Variants in TXNDC11 observed in about 807,000 individuals in gnomAD.
The protein encoded by TXNDC11 is thioredoxin domain containing 11.
Under a neutral mutation model 78.0 loss-of-function variants are expected in TXNDC11, and 68 were observed. The ratio of observed to expected loss-of-function variants is 0.87; its 90% CI spans 0.72 to 1.07. TXNDC11 has a LOEUF of 1.07. TXNDC11 is among the 50% of genes least tolerant of loss of function. The pLI, the probability that TXNDC11 is intolerant of heterozygous loss-of-function variation, is 0.00. For synonymous variants in TXNDC11, 571 were observed against 495.2 expected (o/e 1.15, Z -2.03); for missense variants, 1,389 against 1,221.8 (o/e 1.14, Z -2.04).
At chr16:11,690,581 C>G (rs1334261395) in intron 8 of TXNDC11, among the ~76,000 whole-genome samples, 2 of 152,206 alleles carry the variant, frequency 1.3e-5, no homozygotes, top group South Asian at 2.1e-4. Flanking sequence ...GAGACGGAGT[C>G]TTGCTCTGTC....
chr16:11,742,441 C>T (rs1258252639), intron 1 of TXNDC11, 36 bp downstream of exon 1: 1 of 1,362,026 alleles, frequency 7.3e-7, no homozygotes, highest in Non-Finnish European at 9.4e-7. Context: ...GCAAGGGGAG[C>T]GCCCTAGCGG....
At chr16:11,726,753 A>G (rs577277401) in intron 4 of TXNDC11, among the ~76,000 whole-genome samples, 1 of 152,232 alleles carries the variant, frequency 6.6e-6, no homozygotes, top group Admixed American at 6.5e-5. Context: ...TTCCATATAC[A>G]TATAATAAAA....
intron 10 of TXNDC11, among the ~76,000 whole-genome samples, chr16:11,687,236 A>AT (rs969790517): frequency 2.0e-5 from 3 of 151,458 alleles, no homozygotes; most frequent in South Asian, 2.1e-4. Context: ...TTTTGTTTTG[A>AT]TTTTTTTATA....
intron 4 of TXNDC11, among the ~76,000 whole-genome samples, chr16:11,729,959 G>GTGGC (rs1567345725): frequency 1.3e-5 from 2 of 152,120 alleles, no homozygotes; most frequent in African/African-American, 4.8e-5. Flanking sequence ...GCTGGGCGTG[G>GTGGC]TGGCACTGCC....
chr16:11,718,893 G>C (rs1416574432), intron 5 of TXNDC11, among the ~76,000 whole-genome samples: 2 of 152,006 alleles, frequency 1.3e-5, no homozygotes, highest in African/African-American at 2.4e-5. Context: ...TGACCAAGGA[G>C]GTTCATTTTG....
Position 11,708,873 on chromosome 16 carries a change from G to A in TXNDC11, c.794-8309C>T, listed in dbSNP as rs919843619. Among the ~76,000 whole-genome samples, 184 of 152,164 alleles carry A rather than the reference G, an allele frequency of 1.2e-3. 1 individual carries two copies. The highest frequency in any genetic ancestry group is 3.5e-4 in the Non-Finnish European group (24 of 68,002). ...CTACTTTCCCACTCTTCTTTCCAAA[G>A]TCAGAAAAAGGAGAAAAATAGGATT... is the stretch of plus-strand genomic sequence containing the variant. On this transcript the variant is annotated intron_variant, in intron 5 of 11. Coordinates refer to ENST00000283033, the MANE Select transcript of TXNDC11 (RefSeq NM_015914.7).
chr16:11,692,035 C>G lies in TXNDC11; in HGVS notation c.1155G>C (p.Val385=), dbSNP rs756338695. 93 of 1,547,218 alleles carry G rather than the reference C, an allele frequency of 6.0e-5. No homozygotes were observed. Among genetic ancestry groups the G allele is most frequent in the Non-Finnish European group, 8.1e-5 (93 of 1,147,516 alleles). ...GCAGGTGCTGAAGGAGACGCTCCAC[C>G]ACCTGGTCCCCATGACAGTTGTTGT... ...LEYNNCHGDQ[V]VERLLQHLRR... Residue 385 remains valine (V), a synonymous_variant, in exon 8 of 12, where the codon GTG becomes GTC. Transcript: ENST00000283033.
chr16:11,733,899 C>A, intron 3 of TXNDC11, 83 bp downstream of exon 3: 4 of 950,462 alleles, frequency 4.2e-6, no homozygotes, highest in East Asian at 5.2e-5. Context: ...ATATCTAATA[C>A]TTTAATATAG....
At chr16:11,739,322 AG>A (rs1236225100) in intron 1 of TXNDC11, among the ~76,000 whole-genome samples, 1 of 152,192 alleles carries the variant, frequency 6.6e-6, no homozygotes, top group Non-Finnish European at 1.5e-5. Context: ...TGCAGCTATG[AG>A]GGGTATGTCT....
Position 11,742,460 on chromosome 16 carries a change from G to C in TXNDC11, c.254+17C>G. 7.1e-7 allele frequency: 1 copy of C among 1,400,962 alleles called. No homozygotes were observed. Among genetic ancestry groups the C allele is most frequent in the Middle Eastern group, 2.6e-4 (1 of 3,878 alleles). 86.8% of individuals were successfully genotyped at this position (1,400,962 alleles called of 1,614,324 possible). ...GGGGAGCGCCCTAGCGGGGCCCCAG[G>C]GTCCGGGCCGCCTCACCTGCAGGTG... On this transcript the variant is annotated intron_variant, in intron 1 of 11. Coordinates refer to ENST00000283033, the MANE Select transcript of TXNDC11 (RefSeq NM_015914.7).
chr16:11,702,092 G>GTGTATATATATATATA (rs150869552), intron 5 of TXNDC11, among the ~76,000 whole-genome samples: 2 of 144,336 alleles, frequency 1.4e-5, no homozygotes, highest in African/African-American at 5.1e-5. Flanking sequence ...GTATGTATGT[G>GTGTATATATATATATA]TATATATATA....
chr16:11,701,005 A>C (rs1346381682), intron 5 of TXNDC11, among the ~76,000 whole-genome samples: 3 of 152,172 alleles, frequency 2.0e-5, no homozygotes, highest in African/African-American at 7.2e-5. Flanking sequence ...GAGTTTACAA[A>C]GGGAAACTGG....
intron 5 of TXNDC11, among the ~76,000 whole-genome samples, chr16:11,709,495 C>T (rs112861489): frequency 0.043 from 5,705 of 133,710 alleles, 437 homozygotes; most frequent in African/African-American, 0.15. Flanking sequence ...AGTGCAGTGG[C>T]GCGATCTCGG....
intron 8 of TXNDC11, chr16:11,690,123 G>A (rs138409498): frequency 1.1e-4 from 16 of 152,278 alleles, no homozygotes; most frequent in African/African-American, 3.8e-4. Context: ...GAAATGAAAG[G>A]TTTCCTTCCC....
chr16:11,692,138 C>T (rs1320394941), intron 7 of TXNDC11, 56 bp from the exon 8 acceptor site: 42 of 1,368,352 alleles, frequency 3.1e-5, no homozygotes, highest in Non-Finnish European at 4.0e-5. Flanking sequence ...GGACTAGCAC[C>T]CCGTTAGCCA....
At chr16:11,688,273 G>A (rs1417412748) in intron 9 of TXNDC11, 30 bp downstream of exon 9, 2 of 1,605,068 alleles carry the variant, frequency 1.2e-6, no homozygotes, top group Admixed American at 1.7e-5. Flanking sequence ...GGGACAGATG[G>A]CTTAACTTTT....
At position 11,736,120 on chromosome 16, in the gene TXNDC11, C is replaced by T. The variant is rs370047365; in HGVS notation, c.368G>A (p.Arg123Gln). The change falls in exon 2 of 12, where the codon CGG becomes CAG. Residue 123 changes from arginine (R) to glutamine (Q), a missense_variant. Transcript: ENST00000283033. ...GQLDYAEYVR[R>Q]DSEVVLLFFY... ...GAAGAGCAGTACCACCTCTGAATCC[C>T]GTCGAACGTACTCTGCATAATCCAG... is the stretch of plus-strand genomic sequence containing the variant. 3.4e-5 allele frequency: 55 copies of T among 1,614,044 alleles called. 1 individual carries two copies. Among genetic ancestry groups the T allele is most frequent in the South Asian group, 9.9e-5 (9 of 91,086 alleles).
intron 8 of TXNDC11, chr16:11,690,925 G>A (rs1171276246): frequency 3.9e-6 from 1 of 253,746 alleles, no homozygotes; most frequent in East Asian, 1.1e-4. Context: ...TCAGCCCCTA[G>A]GACATCCCAC....
At chr16:11,732,194 T>A (rs2052076362) in intron 3 of TXNDC11, among the ~76,000 whole-genome samples, 1 of 152,210 alleles carries the variant, frequency 6.6e-6, no homozygotes, top group Non-Finnish European at 1.5e-5. Context: ...TCAATCTTTC[T>A]GCAAAAGCTA....
Sources: gnomAD v4.1 joint callset for allele counts (sites outside exome capture counted in the v4.1 genomes callset) on GRCh38, gnomAD v4.1.1 for gene constraint, MANE v1.5 for transcripts, NCBI Gene and HGNC (gene_info 2026-07-23, HGNC 2026-07-21) for gene names.